CDKAL1: variants seen among roughly 807,000 people sequenced by gnomAD.
The protein encoded by CDKAL1 is CDKAL1 threonylcarbamoyladenosine tRNA methylthiotransferase.
In CDKAL1, 32 loss-of-function variants were observed where a neutral mutation model predicts 68.2. That is an observed-to-expected ratio of 0.47 (90% confidence interval 0.35 to 0.63). The LOEUF (loss-of-function observed/expected upper bound fraction) is 0.63. CDKAL1 is among the 30% of genes least tolerant of loss of function. The pLI is 0.00. For synonymous variants in CDKAL1, 234 were observed against 244.3 expected, an observed-to-expected ratio of 0.96 and a Z score of 0.39; for missense variants, 606 against 696.7, an observed-to-expected ratio of 0.87 and a Z score of 1.47.
chr6:20,937,130 C>G (rs1247105675), intron 9 of CDKAL1, among the ~76,000 whole-genome samples: 1 of 152,084 alleles, frequency 6.6e-6, no homozygotes, highest in Non-Finnish European at 1.5e-5. Flanking sequence ...ACTCTGTCCC[C>G]CAGGTGGGAG....
chr6:20,838,846 G>A (rs1458187686), intron 8 of CDKAL1, among the ~76,000 whole-genome samples: 1 of 151,946 alleles, frequency 6.6e-6, no homozygotes, highest in African/African-American at 2.4e-5. Context: ...GTGGTGGCGG[G>A]TGCCTGTAGT....
Position 21,113,536 on chromosome 6 carries a change from C to G in CDKAL1, c.1299+5073C>G, listed in dbSNP as rs575809252. Among the ~76,000 whole-genome samples, 97 of 152,092 alleles carry G rather than the reference C, an allele frequency of 6.4e-4. 1 individual carries two copies. Among genetic ancestry groups the G allele is most frequent in the Middle Eastern group, 6.8e-3 (2 of 292 alleles). ...TTTGTTTTTGAGATGGAGTTTCACT[C>G]TTGTCATCCAGGCTGCAGAGCAGTG... On this transcript the variant is annotated intron_variant, in intron 13 of 15. Coordinates refer to ENST00000274695, the MANE Select transcript of CDKAL1 (RefSeq NM_017774.3).
At chr6:20,971,515 G>A (rs1488248693) in intron 10 of CDKAL1, among the ~76,000 whole-genome samples, 2 of 152,136 alleles carry the variant, frequency 1.3e-5, no homozygotes, top group Non-Finnish European at 2.9e-5. Flanking sequence ...ATATTTCAGG[G>A]ATAATCAATT....
At chr6:21,158,050 T>C (rs1316676803) in intron 13 of CDKAL1, among the ~76,000 whole-genome samples, 1 of 152,228 alleles carries the variant, frequency 6.6e-6, no homozygotes, top group Non-Finnish European at 1.5e-5. Flanking sequence ...CTCTCTGTTA[T>C]TAGGCCAACA....
intron 12 of CDKAL1, among the ~76,000 whole-genome samples, chr6:21,076,459 C>T (rs906729536): frequency 1.3e-5 from 2 of 152,068 alleles, no homozygotes; most frequent in African/African-American, 4.8e-5. Flanking sequence ...TGCCTTTAAA[C>T]CTTTTTGTTT....
At chr6:21,039,283 T>C (rs1041866996) in intron 11 of CDKAL1, among the ~76,000 whole-genome samples, 1 of 152,170 alleles carries the variant, frequency 6.6e-6, no homozygotes, top group African/African-American at 2.4e-5. Context: ...AATTTCATCC[T>C]GAAACCATCT....
chr6:20,938,269 C>T (rs1057124387), intron 9 of CDKAL1, among the ~76,000 whole-genome samples: 8 of 152,096 alleles, frequency 5.3e-5, no homozygotes, highest in African/African-American at 1.9e-4. Context: ...TACTTTCTTA[C>T]TGTCTGGCAC....
chr6:21,028,754 A>G (rs1769097315), intron 11 of CDKAL1, among the ~76,000 whole-genome samples: 1 of 152,182 alleles, frequency 6.6e-6, no homozygotes, highest in South Asian at 2.1e-4. Context: ...TAATTTGTAG[A>G]TTAAAAAATA....
rs900715519 is a variant in CDKAL1, at chr6:21,012,281, A to G, written c.1055+11909A>G. 5.9e-5 allele frequency among the ~76,000 whole-genome samples: 9 copies of G among 152,318 alleles called. No homozygotes were observed. The East Asian group carries it at 1.7e-3, about 29-fold the overall frequency. ...TTGAGTTTTTTGTCCCCCTTTAAAG[A>G]GTCTCTTGGAAAGAAGGGGAGATGA... On this transcript the variant is annotated intron_variant, in intron 11 of 15. Coordinates refer to ENST00000274695, the MANE Select transcript of CDKAL1 (RefSeq NM_017774.3).
In CDKAL1 at chr6:21,069,804, T is replaced by TTTTTTTAAAA. The variant is rs60342057; in HGVS notation, c.1236+4576_1236+4577insTTTTTTAAAA. Among the ~76,000 whole-genome samples, 7 of 85,516 alleles carry TTTTTTTAAAA rather than the reference T, an allele frequency of 8.2e-5. 1 individual carries two copies. The highest frequency in any genetic ancestry group is 1.6e-4 in the Non-Finnish European group (7 of 44,840). The allele number at this position is 85,516 out of a possible 152,430, so 56.1% of individuals were successfully genotyped here. A position where few individuals can be genotyped will look rare whatever the true frequency, so the allele number is the denominator to read the frequency against. ...TTTTTTTTTTTTTTTTTTTTTTTTT[T>TTTTTTTAAAA]AAAACAGAGCCTTGCTCTGTCACCC... On this transcript the variant is annotated intron_variant, in intron 12 of 15. Transcript: ENST00000274695.
At chr6:21,216,279 C>T (rs140261791) in intron 15 of CDKAL1, among the ~76,000 whole-genome samples, 12 of 152,062 alleles carry the variant, frequency 7.9e-5, no homozygotes, top group Non-Finnish European at 1.2e-4. Context: ...TGATTTTATC[C>T]CATAGAATCC....
intron 11 of CDKAL1, among the ~76,000 whole-genome samples, chr6:21,049,172 A>G (rs754730229): frequency 6.6e-6 from 1 of 152,192 alleles, no homozygotes; most frequent in Non-Finnish European, 1.5e-5. Context: ...CCCTACTTTC[A>G]TTCTCAAACT....
chr6:21,013,681 A>G (rs556720459), intron 11 of CDKAL1, among the ~76,000 whole-genome samples: 4 of 152,340 alleles, frequency 2.6e-5, no homozygotes, highest in South Asian at 4.1e-4. Flanking sequence ...GCAGGGGACA[A>G]TGTGACCAGA....
At chr6:21,120,677 T>G (rs1774666186) in intron 13 of CDKAL1, among the ~76,000 whole-genome samples, 1 of 152,248 alleles carries the variant, frequency 6.6e-6, no homozygotes, top group Admixed American at 6.5e-5. Flanking sequence ...AGATATGTGC[T>G]TTTTAAAAAT....
At chr6:20,900,266 T>C (rs1234620002) in intron 9 of CDKAL1, among the ~76,000 whole-genome samples, 1 of 152,240 alleles carries the variant, frequency 6.6e-6, no homozygotes, top group Admixed American at 6.5e-5. Context: ...CATAAAATTA[T>C]TCTAAAGCTA....
intron 9 of CDKAL1, among the ~76,000 whole-genome samples, chr6:20,865,102 C>T (rs183129096): frequency 2.1e-4 from 32 of 152,204 alleles, no homozygotes; most frequent in African/African-American, 7.5e-4. Context: ...TGAATTATTG[C>T]TGCTGGTGCT....
chr6:20,786,662 T>A (rs948228524), intron 8 of CDKAL1, among the ~76,000 whole-genome samples: 21 of 152,042 alleles, frequency 1.4e-4, no homozygotes, highest in African/African-American at 5.1e-4. Flanking sequence ...CATGCCTGGC[T>A]AATTTTTTGT....
At chr6:20,720,517 C>G (rs1165125004) in intron 5 of CDKAL1, among the ~76,000 whole-genome samples, 1 of 152,132 alleles carries the variant, frequency 6.6e-6, no homozygotes, top group Non-Finnish European at 1.5e-5. Flanking sequence ...TGTTATCTGT[C>G]TTTCTTTACT....
At chr6:21,018,680 G>C (rs561531237) in intron 11 of CDKAL1, among the ~76,000 whole-genome samples, 1 of 152,160 alleles carries the variant, frequency 6.6e-6, no homozygotes, top group Non-Finnish European at 1.5e-5. Context: ...TTTTAGATCA[G>C]AATAAACCTT....
Sources: allele counts gnomAD v4.1 joint callset (sites outside exome capture counted in the v4.1 genomes callset), GRCh38; gene constraint gnomAD v4.1.1; transcripts MANE v1.5; gene names NCBI Gene and HGNC (gene_info 2026-07-23, HGNC 2026-07-21).